TMPRSS15: variants seen among roughly 807,000 people sequenced by gnomAD.
The protein encoded by TMPRSS15 is transmembrane serine protease 15.
Under a neutral mutation model 125.3 loss-of-function variants are expected in TMPRSS15, and 128 were observed. The ratio of observed to expected loss-of-function variants is 1.02; its 90% confidence interval spans 0.89 to 1.18. The LOEUF (loss-of-function observed/expected upper bound fraction) is 1.18, where lower values mean the gene tolerates loss of function less well. Among genes scored for constraint, TMPRSS15 ranks in the 50% most tolerant of loss-of-function variants. The pLI is 0.00. For missense variants in TMPRSS15, 1,283 were observed against 1,212.7 expected (o/e 1.06, Z -0.86); for synonymous variants, 446 against 423.2 (o/e 1.05, Z -0.66).
chr21:18,296,970 A>G (rs2074914798), intron 19 of TMPRSS15, among the ~76,000 whole-genome samples: 1 of 152,188 alleles, frequency 6.6e-6, no homozygotes. Context: ...ATTTTTTACC[A>G]TGAAACAAAA....
intron 6 of TMPRSS15, among the ~76,000 whole-genome samples, chr21:18,365,805 G>A (rs1451869080): frequency 6.9e-6 from 1 of 144,948 alleles, no homozygotes; most frequent in Non-Finnish European, 1.5e-5. Context: ...ATGCAACGGC[G>A]CGATCTCGGC....
At chr21:18,435,293 G>A (rs1395915052) in intron 1 of TMPRSS15, among the ~76,000 whole-genome samples, 1 of 152,102 alleles carries the variant, frequency 6.6e-6, no homozygotes, top group Non-Finnish European at 1.5e-5. Flanking sequence ...TTATTATTTT[G>A]AGATACGTCC....
chr21:18,421,080 A>G (rs1483633539), intron 1 of TMPRSS15, among the ~76,000 whole-genome samples: 2 of 152,230 alleles, frequency 1.3e-5, no homozygotes, highest in African/African-American at 4.8e-5. Context: ...GTTATTTTAC[A>G]TATATGACAC....
rs142008028 is a variant in TMPRSS15 at position 18,425,201 on chromosome 21, C to T, written c.11-26872G>A. Among the ~76,000 whole-genome samples, 225 of 152,060 alleles carry T rather than the reference C, an allele frequency of 1.5e-3. 1 individual carries two copies. The highest frequency in any genetic ancestry group is 5.1e-3 in the African/African-American group (213 of 41,522). On this transcript the variant is annotated intron_variant, in intron 1 of 7. Transcript: ENST00000422787. ...CTCTGGTAGAGTAGTTGCATGCCAA[C>T]AGAAAACTATTCTTATGGAAATTTT...
intron 21 of TMPRSS15, among the ~76,000 whole-genome samples, chr21:18,281,642 T>C (rs2074699611): frequency 6.6e-6 from 1 of 152,148 alleles, no homozygotes; most frequent in African/African-American, 2.4e-5. Context: ...CTATATATAA[T>C]ATATGGCTAG....
At chr21:18,427,130 T>C (rs996943215) in intron 1 of TMPRSS15, among the ~76,000 whole-genome samples, 3 of 152,246 alleles carry the variant, frequency 2.0e-5, no homozygotes, top group African/African-American at 7.2e-5. Context: ...TCAACTTATG[T>C]AAGTTGTATA....
At chr21:18,438,489 A>C (rs1319318221) in intron 1 of TMPRSS15, among the ~76,000 whole-genome samples, 1 of 152,206 alleles carries the variant, frequency 6.6e-6, no homozygotes, top group Non-Finnish European at 1.5e-5. Flanking sequence ...TAAAAAAAAC[A>C]AAAAACATTA....
chr21:18,482,433 G>A (rs1418473029), intron 1 of TMPRSS15, among the ~76,000 whole-genome samples: 2 of 151,444 alleles, frequency 1.3e-5, no homozygotes, highest in Non-Finnish European at 3.0e-5. Context: ...TAGAAGAGAA[G>A]ACTTGAATTT....
chr21:18,323,214 G>A (rs550857617), intron 16 of TMPRSS15, among the ~76,000 whole-genome samples: 45 of 152,108 alleles, frequency 3.0e-4, no homozygotes, highest in Non-Finnish European at 5.3e-4. Flanking sequence ...ATGGTGGAAT[G>A]CCATGTGCTG....
chr21:18,427,379 T>G (rs1054308215), intron 1 of TMPRSS15, among the ~76,000 whole-genome samples: 2 of 152,154 alleles, frequency 1.3e-5, no homozygotes, highest in African/African-American at 4.8e-5. Context: ...ACTTAACTAT[T>G]ACATTTAAGG....
chr21:18,461,234 T>C (rs1171498320), intron 1 of TMPRSS15, among the ~76,000 whole-genome samples: 2 of 152,186 alleles, frequency 1.3e-5, no homozygotes, highest in Non-Finnish European at 2.9e-5. Context: ...CCAACTCCTC[T>C]TTCGTACACT....
intron 13 of TMPRSS15, among the ~76,000 whole-genome samples, chr21:18,338,694 AAGAG>A (rs930295951): frequency 2.7e-5 from 4 of 149,798 alleles, no homozygotes; most frequent in Admixed American, 6.7e-5. Context: ...GTATATCCAA[AAGAG>A]AGAGAGACAG....
intron 16 of TMPRSS15, among the ~76,000 whole-genome samples, chr21:18,316,271 C>T (rs539001690): frequency 1.3e-3 from 195 of 152,232 alleles, no homozygotes; most frequent in African/African-American, 2.2e-3. Context: ...CTCGTAATTT[C>T]GTTAGTATCT....
chr21:18,333,034 G>A (rs2075359839), intron 13 of TMPRSS15, among the ~76,000 whole-genome samples: 1 of 152,122 alleles, frequency 6.6e-6, no homozygotes, highest in African/African-American at 2.4e-5. Flanking sequence ...ATAAGTGAAA[G>A]CTAAATGATG....
intron 5 of TMPRSS15, among the ~76,000 whole-genome samples, chr21:18,376,200 G>GT (rs11438174): frequency 0.81 from 121,499 of 149,688 alleles, 49,433 homozygotes; most frequent in East Asian, 0.98. Context: ...AACAAATCTA[G>GT]TTTTTTTTTT....
intron 1 of TMPRSS15, among the ~76,000 whole-genome samples, chr21:18,464,171 T>C (rs1978608284): frequency 1.8e-5 from 1 of 55,368 alleles, no homozygotes; most frequent in Non-Finnish European, 3.1e-5. Flanking sequence ...AGACTCCGTC[T>C]CAAAAAAAAA....
intron 1 of TMPRSS15, among the ~76,000 whole-genome samples, chr21:18,413,274 T>TTTGCTTTTTCTTTC (rs2076170880): frequency 9.3e-6 from 1 of 107,956 alleles, no homozygotes; most frequent in South Asian, 3.6e-4. Context: ...TTCTCTTTCT[T>TTTGCTTTTTCTTTC]TTTCTTTTTC....
At chr21:18,295,733 T>G (rs2074898096) in intron 19 of TMPRSS15, among the ~76,000 whole-genome samples, 1 of 152,242 alleles carries the variant, frequency 6.6e-6, no homozygotes, top group African/African-American at 2.4e-5. Context: ...TGCATGCATG[T>G]ATATCAATCT....
At chr21:18,415,341 G>C (rs111289820) in intron 1 of TMPRSS15, among the ~76,000 whole-genome samples, 1 of 151,976 alleles carries the variant, frequency 6.6e-6, no homozygotes, top group African/African-American at 2.4e-5. Context: ...TCCTGCACAG[G>C]AGCTTTTTAG....
Sources: gnomAD v4.1 joint callset for allele counts (sites outside exome capture counted in the v4.1 genomes callset) on GRCh38, gnomAD v4.1.1 for gene constraint, MANE v1.5 for transcripts, NCBI Gene and HGNC (gene_info 2026-07-23, HGNC 2026-07-21) for gene names.